Variants in UTRN observed in about 807,000 individuals in gnomAD.
UTRN encodes the protein utrophin, also known as dystrophin-related protein 1.
UTRN carries 283 observed loss-of-function variants against 463.9 expected under a neutral mutation model. The observed-to-expected ratio is 0.61, with a 90% CI of 0.55 to 0.67. The LOEUF (loss-of-function observed/expected upper bound fraction) is 0.67, where lower values mean the gene tolerates loss of function less well. Among genes scored for constraint, UTRN ranks in the 30% least tolerant of loss-of-function variants. The probability of loss-of-function intolerance (pLI) is 0.00; values close to 1 mark genes in which losing one functional copy is unlikely to be tolerated. For missense variants in UTRN, 3,922 were observed against 4,084.3 expected (o/e 0.96, Z 1.08); for synonymous variants, 1,442 against 1,431.5 (o/e 1.01, Z -0.17).
At chr6:144,331,563 C>T (rs983129994) in intron 2 of UTRN, among the ~76,000 whole-genome samples, 5 of 152,138 alleles carry the variant, frequency 3.3e-5, no homozygotes, top group Non-Finnish European at 7.3e-5. Context: ...AATTAGTGCC[C>T]CTGCATCCAT....
chr6:144,637,682 A>G (rs1777327221), intron 51 of UTRN, among the ~76,000 whole-genome samples: 1 of 151,002 alleles, frequency 6.6e-6, no homozygotes, highest in Admixed American at 6.6e-5. Context: ...TACGTGGCAT[A>G]TGTTTCAACA....
chr6:144,838,050 C>A (rs6932567), intron 71 of UTRN, among the ~76,000 whole-genome samples: 4,204 of 152,308 alleles, frequency 0.028, 111 homozygotes, highest in African/African-American at 0.069. Context: ...TTTTCTCTTG[C>A]AATCTCTTGT....
intron 3 of UTRN, among the ~76,000 whole-genome samples, chr6:144,420,947 T>A (rs1784782796): frequency 6.6e-6 from 1 of 152,248 alleles, no homozygotes; most frequent in African/African-American, 2.4e-5. Flanking sequence ...TATTATTTTG[T>A]CGTTTATTGT....
chr6:144,568,701 G>A (rs1800657663), intron 50 of UTRN, among the ~76,000 whole-genome samples: 1 of 152,156 alleles, frequency 6.6e-6, no homozygotes, highest in Non-Finnish European at 1.5e-5. Context: ...AACTAGGGAT[G>A]GAGGTGAGAG....
intron 29 of UTRN, 28 bp downstream of exon 29, chr6:144,487,725 G>A: frequency 1.3e-6 from 2 of 1,566,960 alleles, no homozygotes; most frequent in Non-Finnish European, 1.7e-6. Flanking sequence ...CATGGGTGTT[G>A]ATTAGGTATT....
intron 2 of UTRN, among the ~76,000 whole-genome samples, chr6:144,376,636 T>C (rs1301326181): frequency 6.6e-6 from 1 of 152,086 alleles, no homozygotes; most frequent in African/African-American, 2.4e-5. Flanking sequence ...TAGAAAGATT[T>C]CTAGAATTTT....
At chr6:144,716,259 T>C (rs953461900) in intron 53 of UTRN, among the ~76,000 whole-genome samples, 70 of 152,012 alleles carry the variant, frequency 4.6e-4, no homozygotes, top group Non-Finnish European at 8.8e-5. Context: ...TTTAGCTGTA[T>C]GTGCTGGATA....
intron 51 of UTRN, among the ~76,000 whole-genome samples, chr6:144,673,491 T>A (rs1016475103): frequency 3.3e-5 from 5 of 152,132 alleles, no homozygotes; most frequent in Non-Finnish European, 7.4e-5. Flanking sequence ...CATTTGCATG[T>A]AATATCTTTT....
intron 41 of UTRN, among the ~76,000 whole-genome samples, chr6:144,523,767 G>T (rs1443389591): frequency 6.6e-6 from 1 of 152,118 alleles, no homozygotes; most frequent in East Asian, 1.9e-4. Context: ...AAAAACTAAA[G>T]AAATTTTTCA....
chr6:144,538,945 A>G (rs1797771715), intron 44 of UTRN, among the ~76,000 whole-genome samples: 1 of 152,166 alleles, frequency 6.6e-6, no homozygotes, highest in South Asian at 2.1e-4. Context: ...CAATTTGAGG[A>G]GAGTTAGAAA....
intron 60 of UTRN, among the ~76,000 whole-genome samples, chr6:144,778,520 G>C (rs1326503997): frequency 6.6e-6 from 1 of 151,882 alleles, no homozygotes; most frequent in Non-Finnish European, 1.5e-5. Context: ...GAGTGAGTGA[G>C]GGCCTCAGGC....
intron 65 of UTRN, among the ~76,000 whole-genome samples, chr6:144,820,297 G>A (rs764344131): frequency 6.6e-5 from 10 of 152,114 alleles, no homozygotes; most frequent in Non-Finnish European, 8.8e-5. Context: ...ATAATTATAT[G>A]TCTGCATAGT....
chr6:144,708,637 G>T (rs1191893672), intron 53 of UTRN: 2 of 223,042 alleles, frequency 9.0e-6, no homozygotes, highest in East Asian at 1.1e-4. Context: ...TTCCCAAAAG[G>T]TTATGGCTGA....
intron 54 of UTRN, among the ~76,000 whole-genome samples, chr6:144,737,810 C>T (rs1259479422): frequency 2.0e-5 from 3 of 147,230 alleles, no homozygotes; most frequent in Admixed American, 6.8e-5. Flanking sequence ...ATACTTTTTC[C>T]TTTTAATGCA....
chr6:144,779,842 T>C (rs1359679415), intron 60 of UTRN, among the ~76,000 whole-genome samples: 1 of 152,234 alleles, frequency 6.6e-6, no homozygotes, highest in Non-Finnish European at 1.5e-5. Flanking sequence ...TGAAGCTTAT[T>C]TGACTTATTT....
intron 2 of UTRN, among the ~76,000 whole-genome samples, chr6:144,321,706 G>A (rs778614802): frequency 2.0e-5 from 3 of 151,238 alleles, no homozygotes; most frequent in Non-Finnish European, 4.4e-5. Context: ...TCCTGGCTTC[G>A]TGATCTGCCC....
chr6:144,607,938 A>G (rs551675436), intron 51 of UTRN, among the ~76,000 whole-genome samples: 2 of 152,342 alleles, frequency 1.3e-5, no homozygotes, highest in African/African-American at 4.8e-5. Context: ...TCAGTCCCAG[A>G]TAAAGCAGGC....
chr6:144,750,491 A>G (rs1013813532), intron 55 of UTRN, among the ~76,000 whole-genome samples: 3 of 152,110 alleles, frequency 2.0e-5, no homozygotes, highest in East Asian at 1.9e-4. Context: ...TCCAACATTC[A>G]TAGTTCTCAC....
In UTRN at chr6:144,358,158, C is replaced by T. The variant is rs562781155; in HGVS notation, c.80-44965C>T. Among the ~76,000 whole-genome samples the T allele has an allele frequency of 1.1e-4, 16 of 152,296 alleles. No homozygotes were observed. The East Asian group carries it at 1.9e-3, about 18-fold the overall frequency. ...ACTATATGGTAGTCCATTTAAGAAA[C>T]GTTCAGTAAATGTTGCTCATAGTAA... On this transcript the variant is annotated intron_variant, in intron 2 of 74. Coordinates refer to ENST00000367545, the MANE Select transcript of UTRN (RefSeq NM_007124.3).
Sources: gnomAD v4.1 joint callset for allele counts (sites outside exome capture counted in the v4.1 genomes callset) on GRCh38, gnomAD v4.1.1 for gene constraint, MANE v1.5 for transcripts, NCBI Gene and HGNC (gene_info 2026-07-23, HGNC 2026-07-21) for gene names.